The following PPFIA2 variants were observed in gnomAD, a reference collection of about 807,000 sequenced individuals.
The protein encoded by PPFIA2 is liprin-alpha-2.
In PPFIA2, 46 loss-of-function variants were observed where a neutral mutation model predicts 175.5. That is an observed-to-expected ratio of 0.26 (90% CI 0.21 to 0.34). The LOEUF is 0.34. Among genes scored for constraint, PPFIA2 ranks in the 10% least tolerant of loss-of-function variants. The pLI is 1.00. For synonymous variants in PPFIA2, 568 were observed against 511.4 expected (o/e 1.11, Z -1.49); for missense variants, 1,179 against 1,506.1 (o/e 0.78, Z 3.60).
At chr12:81,585,484 CT>C (rs1386738712) in intron 4 of PPFIA2, among the ~76,000 whole-genome samples, 2 of 151,754 alleles carry the variant, frequency 1.3e-5, no homozygotes, top group East Asian at 1.9e-4. Flanking sequence ...CTATAAGCTT[CT>C]TTTCTATTTG....
At chr12:81,357,807 T>C (rs1394377621) in intron 16 of PPFIA2, among the ~76,000 whole-genome samples, 1 of 151,524 alleles carries the variant, frequency 6.6e-6, no homozygotes, top group Non-Finnish European at 1.5e-5. Flanking sequence ...ACATTTAGCT[T>C]TTCTGAGCCT....
rs528565594 is a variant in PPFIA2 at position 81,368,086 on chromosome 12, C to T, written c.1482+639G>A. The T allele has an allele frequency of 4.1e-5, 52 of 1,282,950 alleles. 1 individual carries two copies. Among genetic ancestry groups the T allele is most frequent in the South Asian group, 3.6e-4 (29 of 80,778 alleles). 79.5% of individuals were successfully genotyped at this position (1,282,950 alleles called of 1,614,324 possible). ...AGATTTCTAAAATGATGTGATCATC[C>T]GGGTTTTATACCCTACCTTAATTTA... On this transcript the variant is annotated intron_variant, in intron 13 of 32. Transcript: ENST00000549396.
At chr12:81,543,620 C>T (rs2066543690) in intron 4 of PPFIA2, among the ~76,000 whole-genome samples, 1 of 152,114 alleles carries the variant, frequency 6.6e-6, no homozygotes, top group Non-Finnish European at 1.5e-5. Context: ...TAAAGGTGGA[C>T]TGTCAATAGT....
At chr12:81,421,285 AATTGT>A (rs964757680) in intron 7 of PPFIA2, among the ~76,000 whole-genome samples, 24 of 152,230 alleles carry the variant, frequency 1.6e-4, no homozygotes, top group African/African-American at 5.8e-4. Context: ...GTAACATTAT[AATTGT>A]ATTGTATAAA....
At chr12:81,466,904 T>C (rs1332032086) in intron 4 of PPFIA2, among the ~76,000 whole-genome samples, 1 of 147,314 alleles carries the variant, frequency 6.8e-6, no homozygotes, top group Non-Finnish European at 1.5e-5. Context: ...AAATATAATA[T>C]ATAATAAATA....
intron 4 of PPFIA2, among the ~76,000 whole-genome samples, chr12:81,493,888 C>T (rs2059719317): frequency 6.7e-6 from 1 of 149,758 alleles, no homozygotes; most frequent in African/African-American, 2.5e-5. Context: ...GAGAAAGAAG[C>T]AGAGTCAATA....
chr12:81,660,382 G>A (rs1398936538), intron 4 of PPFIA2, among the ~76,000 whole-genome samples: 4 of 152,136 alleles, frequency 2.6e-5, no homozygotes, highest in Non-Finnish European at 5.9e-5. Flanking sequence ...ACCTTGGCAC[G>A]AGAACTACGT....
rs76204654 is a variant in PPFIA2 at position 81,326,682 on chromosome 12, C to T, written c.2549-812G>A. ...AAACACATATCACAGGATTTCTAAA[C>T]TTACAAAATTAATTCATAAATTATC... is the stretch of plus-strand genomic sequence containing the variant. On this transcript the variant is annotated intron_variant, in intron 21 of 32. Coordinates refer to ENST00000549396, the MANE Select transcript of PPFIA2 (RefSeq NM_003625.5). Among the ~76,000 whole-genome samples the T allele has an allele frequency of 1.5e-3, 233 of 152,100 alleles. 4 individuals are homozygous for T. In the East Asian group the frequency reaches 0.028, roughly 19 times the overall value.
intron 21 of PPFIA2, 36 bp from the exon 22 acceptor site, chr12:81,325,906 T>C (rs1347364355): frequency 1.4e-6 from 2 of 1,426,002 alleles, no homozygotes; most frequent in Non-Finnish European, 2.0e-6. Flanking sequence ...CAGATTATGT[T>C]GCATAGGTTG....
rs183370768 is a variant in PPFIA2 at position 81,309,291 on chromosome 12, G to T, written c.2643-9909C>A. 5.9e-5 allele frequency among the ~76,000 whole-genome samples: 9 copies of T among 152,156 alleles called. No individual in the cohort carries two copies. In the East Asian group the frequency reaches 1.7e-3, roughly 29 times the overall value. On this transcript the variant is annotated intron_variant, in intron 22 of 32. Coordinates refer to ENST00000549396, the MANE Select transcript of PPFIA2 (RefSeq NM_003625.5). Reference sequence around the variant, plus strand: ...ATTTGAGAAGCTAGTTGAAATTCTGGTCAGCAAATGCAAAGTATGGTGCCA... The same window carrying T: ...ATTTGAGAAGCTAGTTGAAATTCTGTTCAGCAAATGCAAAGTATGGTGCCA...
chr12:81,270,461 T>C (rs545099412), intron 28 of PPFIA2, among the ~76,000 whole-genome samples: 3 of 152,018 alleles, frequency 2.0e-5, no homozygotes, highest in African/African-American at 7.2e-5. Context: ...GTCAATAGAG[T>C]GGGCCCAAAT....
chr12:81,429,773 A>G (rs1264620682), intron 7 of PPFIA2, among the ~76,000 whole-genome samples: 1 of 152,076 alleles, frequency 6.6e-6, no homozygotes, highest in Non-Finnish European at 1.5e-5. Context: ...ATAGATTTAA[A>G]TAAGGAAATA....
chr12:81,689,493 G>A (rs531697823), intron 3 of PPFIA2, among the ~76,000 whole-genome samples: 1 of 152,066 alleles, frequency 6.6e-6, no homozygotes, highest in South Asian at 2.1e-4. Context: ...TGATATCAGA[G>A]CATAAAATGC....
chr12:81,737,708 A>C (rs1426061011), intron 3 of PPFIA2, among the ~76,000 whole-genome samples: 1 of 152,058 alleles, frequency 6.6e-6, no homozygotes, highest in Non-Finnish European at 1.5e-5. Flanking sequence ...GAATGTTTAA[A>C]GATAGTAATC....
chr12:81,758,367 G>T (rs1236661070), intron 2 of PPFIA2, 33 bp downstream of exon 2: 2 of 456,194 alleles, frequency 4.4e-6, no homozygotes, highest in Non-Finnish European at 8.8e-6. Flanking sequence ...TACAGCGAAA[G>T]GAGACAGTAA....
intron 4 of PPFIA2, among the ~76,000 whole-genome samples, chr12:81,606,129 G>GT (rs2060288223): frequency 6.6e-6 from 1 of 151,944 alleles, no homozygotes; most frequent in Admixed American, 6.6e-5. Flanking sequence ...CTCCATCTAT[G>GT]TTTCTGCAAA....
intron 4 of PPFIA2, among the ~76,000 whole-genome samples, chr12:81,596,109 C>T (rs994556568): frequency 2.6e-5 from 4 of 151,842 alleles, no homozygotes; most frequent in Non-Finnish European, 5.9e-5. Context: ...AATATGCTGC[C>T]TCAATATGGG....
chr12:81,336,227 A>T (rs916025486), intron 21 of PPFIA2, among the ~76,000 whole-genome samples: 15 of 152,178 alleles, frequency 9.9e-5, no homozygotes, highest in Non-Finnish European at 1.5e-5. Flanking sequence ...TTTGAAAAGG[A>T]TGTCATAAGA....
At chr12:81,475,283 G>T (rs1347828941) in intron 4 of PPFIA2, among the ~76,000 whole-genome samples, 4 of 152,094 alleles carry the variant, frequency 2.6e-5, no homozygotes, top group African/African-American at 9.7e-5. Context: ...ATCACATTTA[G>T]TAACTAAAGT....
Sources: allele counts gnomAD v4.1 joint callset (sites outside exome capture counted in the v4.1 genomes callset), GRCh38; gene constraint gnomAD v4.1.1; transcripts MANE v1.5; gene names NCBI Gene and HGNC (gene_info 2026-07-23, HGNC 2026-07-21).